The following SORBS2 variants were observed in gnomAD, a reference collection of about 807,000 sequenced individuals.
SORBS2 encodes sorbin and SH3 domain containing 2.
SORBS2 carries 46 observed loss-of-function variants against 97.7 expected under a neutral mutation model. That is an observed-to-expected ratio of 0.47 (90% confidence interval 0.37 to 0.60). The LOEUF is 0.60. SORBS2 is among the 20% of genes least tolerant of loss of function. SORBS2 has a pLI of 0.00. For missense variants in SORBS2, 1,316 were observed against 1,282.3 expected (o/e 1.03, Z -0.40); for synonymous variants, 476 against 473.4 (o/e 1.01, Z -0.07).
In SORBS2 at chr4:185,954,775, T is replaced by C. The variant is rs143242427; in HGVS notation, c.-338+1421A>G. Among the ~76,000 whole-genome samples, 10 of 152,210 alleles carry C rather than the reference T, an allele frequency of 6.6e-5. No homozygotes were observed. In the East Asian group the frequency reaches 1.9e-3, roughly 29 times the overall value. On this transcript the variant is annotated intron_variant, in intron 1 of 20. Transcript: ENST00000284776. ...GAGTTCGAGACAAGACTGGTCAACA[T>C]GGCAAAACCCCAACTCTACTAAAAG...
rs10025591 is a variant in SORBS2, at chr4:185,902,868, C to T, written c.-338+53328G>A. 7.9e-5 allele frequency among the ~76,000 whole-genome samples: 12 copies of T among 152,234 alleles called. No individual in the cohort carries two copies. The East Asian group carries it at 1.2e-3, about 15-fold the overall frequency. On this transcript the variant is annotated intron_variant, in intron 1 of 20. Coordinates refer to the SORBS2 transcript ENST00000284776. ...CTGGGATTCATCCAATATTCCCAAC[C>T]GTGATGTTAATTCTATGGCAAAGTA...
intron 1 of SORBS2, among the ~76,000 whole-genome samples, chr4:185,834,589 G>A (rs1450673733): frequency 6.6e-6 from 1 of 151,948 alleles, no homozygotes; most frequent in African/African-American, 2.4e-5. Flanking sequence ...GTATAGAGGA[G>A]CAACTAGATC....
At chr4:185,713,442 G>T (rs1177009285) in intron 2 of SORBS2, among the ~76,000 whole-genome samples, 13 of 152,168 alleles carry the variant, frequency 8.5e-5, no homozygotes, top group Non-Finnish European at 1.9e-4. Context: ...ACAAGGATTA[G>T]CTCAGAAGAG....
intron 1 of SORBS2, among the ~76,000 whole-genome samples, chr4:185,864,130 C>T (rs1201879759): frequency 6.6e-6 from 1 of 152,044 alleles, no homozygotes; most frequent in Admixed American, 6.6e-5. Flanking sequence ...AAAAAGTGTG[C>T]CATTATTACT....
intron 12 of SORBS2, among the ~76,000 whole-genome samples, chr4:185,594,364 A>T (rs1322921564): frequency 6.6e-6 from 1 of 152,208 alleles, no homozygotes; most frequent in South Asian, 2.1e-4. Flanking sequence ...AAGTATCCAC[A>T]CTCATTCTTT....
intron 1 of SORBS2, among the ~76,000 whole-genome samples, chr4:185,853,590 A>C (rs2099219113): frequency 6.6e-6 from 1 of 152,218 alleles, no homozygotes; most frequent in Non-Finnish European, 1.5e-5. Flanking sequence ...AGAAATATGC[A>C]AACTTATTTT....
At chr4:185,920,170 A>T (rs2099260297) in intron 1 of SORBS2, among the ~76,000 whole-genome samples, 1 of 152,222 alleles carries the variant, frequency 6.6e-6, no homozygotes, top group South Asian at 2.1e-4. Flanking sequence ...AATCATCAGG[A>T]GAGGACTTTA....
intron 2 of SORBS2, among the ~76,000 whole-genome samples, chr4:185,755,320 C>T (rs956342740): frequency 6.6e-6 from 1 of 152,230 alleles, no homozygotes; most frequent in Admixed American, 6.5e-5. Context: ...ACTAGTGTCA[C>T]TTGCATTTTC....
chr4:185,934,531 C>T (rs1313016463), intron 1 of SORBS2, among the ~76,000 whole-genome samples: 1 of 152,108 alleles, frequency 6.6e-6, no homozygotes, highest in Non-Finnish European at 1.5e-5. Context: ...GAGGCCGAGA[C>T]AGGTGGATCA....
intron 4 of SORBS2, among the ~76,000 whole-genome samples, chr4:185,632,759 A>T (rs2096928924): frequency 1.3e-5 from 2 of 152,244 alleles, no homozygotes; most frequent in Non-Finnish European, 2.9e-5. Flanking sequence ...TGTGAAATAA[A>T]ACATAGTGTA....
At chr4:185,611,414 C>T (rs1471163144) in intron 12 of SORBS2, among the ~76,000 whole-genome samples, 1 of 151,122 alleles carries the variant, frequency 6.6e-6, no homozygotes, top group Admixed American at 6.6e-5. Context: ...ATATTATATA[C>T]ATAAAATTTA....
intron 4 of SORBS2, among the ~76,000 whole-genome samples, chr4:185,634,537 C>G (rs2096962178): frequency 6.6e-6 from 1 of 151,908 alleles, no homozygotes; most frequent in African/African-American, 2.4e-5. Context: ...TCTAATGAGT[C>G]ATTTATCCAC....
At chr4:185,585,990 C>G (rs1259821174) in exon 15 of SORBS2, 3 of 152,588 alleles carry the variant, frequency 2.0e-5, no homozygotes, top group Non-Finnish European at 4.4e-5. Context: ...TGCTTGTGAT[C>G]TGTGAGATAA....
At chr4:185,892,176 A>G (rs1344072269) in intron 1 of SORBS2, among the ~76,000 whole-genome samples, 1 of 152,218 alleles carries the variant, frequency 6.6e-6, no homozygotes, top group Non-Finnish European at 1.5e-5. Context: ...GAAATCTTTG[A>G]GCATCAAAGT....
chr4:185,896,103 TA>T (rs1400331704), intron 1 of SORBS2, among the ~76,000 whole-genome samples: 11 of 152,216 alleles, frequency 7.2e-5, no homozygotes, highest in Non-Finnish European at 1.5e-4. Context: ...GAATCTCACT[TA>T]ACCAACTTGT....
chr4:185,631,053 G>C (rs1417526026), intron 4 of SORBS2, among the ~76,000 whole-genome samples: 1 of 152,088 alleles, frequency 6.6e-6, no homozygotes, highest in African/African-American at 2.4e-5. Flanking sequence ...TTTTGTTATT[G>C]TTGTTACCAA....
intron 2 of SORBS2, among the ~76,000 whole-genome samples, chr4:185,688,969 T>C (rs13150700): frequency 0.21 from 31,935 of 152,034 alleles, 4,010 homozygotes; most frequent in Non-Finnish European, 0.27. Context: ...AGCTTACTCC[T>C]TAGAAATGAG....
chr4:185,870,488 T>C (rs1006158952), intron 1 of SORBS2, among the ~76,000 whole-genome samples: 2 of 152,264 alleles, frequency 1.3e-5, no homozygotes, highest in African/African-American at 4.8e-5. Context: ...TGTTTGTCTC[T>C]GATCCTGTTT....
At chr4:185,646,277 A>C (rs202153220) in intron 4 of SORBS2, 1 of 155,952 alleles carries the variant, frequency 6.4e-6, no homozygotes, top group South Asian at 2.0e-4. Context: ...GCACTTATGA[A>C]CTTTTTTAAA....
Sources: allele counts gnomAD v4.1 joint callset (sites outside exome capture counted in the v4.1 genomes callset), GRCh38; gene constraint gnomAD v4.1.1; transcripts MANE v1.5; gene names NCBI Gene and HGNC (gene_info 2026-07-23, HGNC 2026-07-21).